Variants in CSMD1 observed in about 807,000 individuals in gnomAD.
CSMD1 encodes the protein CUB and Sushi multiple domains 1, also known as CUB and sushi domain-containing protein 1.
A neutral mutation model predicts 417.5 loss-of-function variants in CSMD1; 213 were observed. The observed-to-expected ratio is 0.51, with a 90% CI of 0.46 to 0.57. The LOEUF is 0.57. Among genes scored for constraint, CSMD1 ranks in the 20% least tolerant of loss-of-function variants. CSMD1 has a pLI of 0.00. For synonymous variants in CSMD1, 2,862 were observed against 1,736.8 expected (o/e 1.65, Z -16.11); for missense variants, 6,923 against 4,529.7 (o/e 1.53, Z -15.17).
intron 2 of CSMD1, among the ~76,000 whole-genome samples, chr8:4,635,344 G>A (rs1006768641): frequency 1.3e-5 from 2 of 151,990 alleles, no homozygotes; most frequent in African/African-American, 4.8e-5. Flanking sequence ...TGTCGATCCT[G>A]TTATAATATT....
intron 3 of CSMD1, among the ~76,000 whole-genome samples, chr8:4,187,911 G>C (rs1179132218): frequency 1.3e-5 from 2 of 151,962 alleles, no homozygotes; most frequent in Non-Finnish European, 2.9e-5. Flanking sequence ...TCATGCATTT[G>C]TTGTTAATAA....
intron 1 of CSMD1, among the ~76,000 whole-genome samples, chr8:4,638,717 A>G (rs1013962048): frequency 2.6e-5 from 4 of 152,156 alleles, no homozygotes; most frequent in Admixed American, 2.6e-4. Context: ...TCCCTTAAGA[A>G]CTTCCCTTTG....
chr8:4,020,326 C>T (rs567339633), intron 4 of CSMD1, among the ~76,000 whole-genome samples: 2 of 152,214 alleles, frequency 1.3e-5, no homozygotes, highest in Non-Finnish European at 2.9e-5. Flanking sequence ...ACGACAAGCA[C>T]TTTAATCCCC....
At chr8:4,900,666 G>A (rs1804808805) in intron 1 of CSMD1, among the ~76,000 whole-genome samples, 2 of 152,172 alleles carry the variant, frequency 1.3e-5, no homozygotes, top group Non-Finnish European at 1.5e-5. Flanking sequence ...ACTCTCTGCT[G>A]TCCAAGGAGA....
intron 3 of CSMD1, among the ~76,000 whole-genome samples, chr8:4,317,808 G>GTATA (rs1234078643): frequency 2.0e-5 from 3 of 152,124 alleles, no homozygotes; most frequent in Non-Finnish European, 1.5e-5. Context: ...CTGATACATT[G>GTATA]TAGGCATTCA....
At chr8:4,151,650 CATTATT>C (rs1009329419) in intron 3 of CSMD1, among the ~76,000 whole-genome samples, 2 of 152,014 alleles carry the variant, frequency 1.3e-5, no homozygotes, top group African/African-American at 4.8e-5. Context: ...TCTGTGGCAT[CATTATT>C]ATTATGTCAA....
intron 2 of CSMD1, among the ~76,000 whole-genome samples, chr8:4,477,122 G>C (rs948920965): frequency 4.6e-5 from 7 of 152,190 alleles, no homozygotes; most frequent in African/African-American, 1.7e-4. Flanking sequence ...TGTCTCTTAA[G>C]AGTCACAGTT....
At chr8:3,299,348 A>G (rs1804209534) in intron 25 of CSMD1, among the ~76,000 whole-genome samples, 1 of 152,114 alleles carries the variant, frequency 6.6e-6, no homozygotes, top group African/African-American at 2.4e-5. Context: ...GCTACTCAGG[A>G]GGCTCAGGCA....
chr8:3,924,580 G>C (rs746907410), intron 5 of CSMD1, among the ~76,000 whole-genome samples: 1 of 152,046 alleles, frequency 6.6e-6, no homozygotes, highest in Non-Finnish European at 1.5e-5. Context: ...CCTGTGACTG[G>C]ATAATTTTAA....
intron 2 of CSMD1, among the ~76,000 whole-genome samples, chr8:4,525,081 C>T (rs571070713): frequency 4.9e-4 from 75 of 152,258 alleles, no homozygotes; most frequent in African/African-American, 1.4e-3. Context: ...AAGTCAAATA[C>T]ATCAACCTTT....
intron 10 of CSMD1, among the ~76,000 whole-genome samples, chr8:3,562,799 G>A (rs981823875): frequency 1.3e-5 from 2 of 151,848 alleles, no homozygotes; most frequent in South Asian, 2.1e-4. Flanking sequence ...GAAGAGGATC[G>A]AGAAAAACAA....
intron 56 of CSMD1, among the ~76,000 whole-genome samples, 182 bp downstream of exon 56, chr8:2,974,269 T>C (rs1308153885): frequency 2.0e-5 from 3 of 152,250 alleles, no homozygotes; most frequent in East Asian, 1.9e-4. Flanking sequence ...CTAACGATTA[T>C]TGCGAAGATG....
chr8:3,518,468 C>G (rs1014251630), intron 10 of CSMD1, among the ~76,000 whole-genome samples: 1 of 152,144 alleles, frequency 6.6e-6, no homozygotes, highest in African/African-American at 2.4e-5. Context: ...AACAATATTG[C>G]TTTTGTAAAA....
Position 3,287,667 on chromosome 8 carries a change from T to C in CSMD1, c.3951-3321A>G, listed in dbSNP as rs370482945. 3.9e-5 allele frequency among the ~76,000 whole-genome samples: 6 copies of C among 152,218 alleles called. No individual in the cohort carries two copies. The East Asian group carries it at 5.8e-4, about 15-fold the overall frequency. On this transcript the variant is annotated intron_variant, in intron 25 of 69. Transcript: ENST00000635120. ...ACATTGATTTTGTATCCTGAGACTT[T>C]GCTGAAGTTGCCCATCAGCTTAAGG... is the stretch of plus-strand genomic sequence containing the variant.
intron 3 of CSMD1, among the ~76,000 whole-genome samples, chr8:4,204,422 A>G (rs1366061327): frequency 1.3e-5 from 2 of 152,178 alleles, no homozygotes; most frequent in African/African-American, 4.8e-5. Context: ...CCAACCCATA[A>G]GCTAATTCCA....
Position 3,692,100 on chromosome 8 carries a change from C to A in CSMD1, c.1009+16314G>T, listed in dbSNP as rs185411633. 5.9e-3 allele frequency among the ~76,000 whole-genome samples: 898 copies of A among 152,302 alleles called. 11 individuals carry two copies. The highest frequency in any genetic ancestry group is 0.021 in the African/African-American group (855 of 41,556). On this transcript the variant is annotated intron_variant, in intron 7 of 69. Coordinates refer to ENST00000635120, the MANE Select transcript of CSMD1 (RefSeq NM_033225.6). The stretch of plus-strand genomic sequence containing the variant: ...ACTTCGCAATCATCCTCTGACTCAT[C>A]TGGAGAGGCCTGGGGAAGCCACTGC...
At chr8:3,864,438 A>G (rs1052519997) in intron 5 of CSMD1, among the ~76,000 whole-genome samples, 1 of 152,204 alleles carries the variant, frequency 6.6e-6, no homozygotes, top group African/African-American at 2.4e-5. Flanking sequence ...GGAATACAGT[A>G]TGAGAAGGGG....
At chr8:3,927,604 G>A (rs556621377) in intron 5 of CSMD1, among the ~76,000 whole-genome samples, 7 of 149,702 alleles carry the variant, frequency 4.7e-5, no homozygotes, top group South Asian at 4.2e-4. Flanking sequence ...GGCGGAGGTT[G>A]CAGTGAGCCG....
intron 5 of CSMD1, among the ~76,000 whole-genome samples, chr8:3,833,727 T>A (rs1406138633): frequency 6.6e-6 from 1 of 152,162 alleles, no homozygotes; most frequent in Non-Finnish European, 1.5e-5. Context: ...AAGGTCTATG[T>A]TGGCACTTAC....
Sources: allele counts gnomAD v4.1 joint callset (sites outside exome capture counted in the v4.1 genomes callset), GRCh38; gene constraint gnomAD v4.1.1; transcripts MANE v1.5; gene names NCBI Gene and HGNC (gene_info 2026-07-23, HGNC 2026-07-21).